The following RALGAPB variants were observed in gnomAD, a reference collection of about 807,000 sequenced individuals.
RALGAPB encodes the protein Ral GTPase activating protein non-catalytic subunit beta, also known as ral GTPase-activating protein subunit beta.
A neutral mutation model predicts 161.1 loss-of-function variants in RALGAPB; 25 were observed. That is an observed-to-expected ratio of 0.16 (90% CI 0.11 to 0.22). The LOEUF (loss-of-function observed/expected upper bound fraction) is 0.22. Ranked by LOEUF, RALGAPB falls within the 10% of genes least tolerant of loss-of-function variation. RALGAPB has a pLI of 1.00. For missense variants in RALGAPB, 1,391 were observed against 1,815.2 expected (o/e 0.77, Z 4.25); for synonymous variants, 629 against 626.1 (o/e 1.00, Z -0.07).
chr20:38,474,931 G>T (rs995012023), intron 1 of RALGAPB, among the ~76,000 whole-genome samples: 1 of 152,134 alleles, frequency 6.6e-6, no homozygotes, highest in African/African-American at 2.4e-5. Flanking sequence ...ATGTTTGGTA[G>T]TTCCCAGCTT....
chr20:38,516,264 G>A lies in RALGAPB; in HGVS notation c.945G>A (p.Val315=). The A allele has an allele frequency of 6.2e-7, 1 of 1,613,536 alleles. No homozygotes were observed. Among genetic ancestry groups the A allele is most frequent in the South Asian group, 1.1e-5 (1 of 90,972 alleles). The part of the protein sequence containing the change: ...TPKFQEQFLN[V]SGMPQELNQY... Reference sequence around the variant, plus strand: ...AATTTCAGGAACAGTTCTTGAATGTGAGCGGAATGCCGCAAGAATTGAATC... The same window carrying A: ...AATTTCAGGAACAGTTCTTGAATGTAAGCGGAATGCCGCAAGAATTGAATC... The change falls in exon 7 of 30, where the codon GTG becomes GTA. Residue 315 remains valine (V), a synonymous_variant. Transcript: ENST00000262879.
At chr20:38,509,963 G>A (rs1359014473) in intron 6 of RALGAPB, among the ~76,000 whole-genome samples, 2 of 152,028 alleles carry the variant, frequency 1.3e-5, no homozygotes, top group East Asian at 3.8e-4. Context: ...TCAGCTGTCA[G>A]TGATCTTAGT....
intron 9 of RALGAPB, among the ~76,000 whole-genome samples, chr20:38,518,463 A>G (rs1021533467): frequency 3.3e-5 from 5 of 152,242 alleles, no homozygotes; most frequent in Admixed American, 2.6e-4. Flanking sequence ...ATTTTAGTCT[A>G]GAGAACTTTA....
chr20:38,550,597 T>G (rs954954621), intron 20 of RALGAPB, among the ~76,000 whole-genome samples: 15 of 152,232 alleles, frequency 9.9e-5, no homozygotes, highest in African/African-American at 3.6e-4. Context: ...AAAGCATGGA[T>G]TTGGAGCTGT....
At position 38,499,731 on chromosome 20, in the gene RALGAPB, A is replaced by G; in HGVS notation, c.740+98A>G. The G allele has an allele frequency of 2.5e-6, 3 of 1,189,864 alleles. No individual in the cohort carries two copies. In the South Asian group the frequency reaches 5.7e-5, roughly 23 times the overall value. The allele number at this position is 1,189,864 out of a possible 1,614,324, so 73.7% of individuals were successfully genotyped here. Reference sequence around the variant, plus strand: ...CATTATAACAAAGGCTGGGTCTGTTATTACTGTACTTTAGATACAGAATTG... The same window carrying G: ...CATTATAACAAAGGCTGGGTCTGTTGTTACTGTACTTTAGATACAGAATTG... On this transcript the variant is annotated intron_variant, in intron 5 of 29. Transcript: ENST00000262879.
chr20:38,509,988 C>T (rs1194295131), intron 6 of RALGAPB, among the ~76,000 whole-genome samples: 1 of 152,016 alleles, frequency 6.6e-6, no homozygotes, highest in Non-Finnish European at 1.5e-5. Flanking sequence ...AAATGTCTTT[C>T]TGTGATCATT....
At chr20:38,510,888 C>T (rs1441533874) in intron 6 of RALGAPB, among the ~76,000 whole-genome samples, 1 of 114,636 alleles carries the variant, frequency 8.7e-6, no homozygotes, top group Non-Finnish European at 1.6e-5. Context: ...CCAGCCTGGG[C>T]GACAGAGCGA....
At chr20:38,553,615 T>G (rs2087459244) in intron 21 of RALGAPB, among the ~76,000 whole-genome samples, 1 of 152,096 alleles carries the variant, frequency 6.6e-6, no homozygotes, top group African/African-American at 2.4e-5. Flanking sequence ...ATCTTCATTT[T>G]CTTTGTTGCT....
At chr20:38,524,966 A>G (rs200180558) in intron 11 of RALGAPB, 21 bp downstream of exon 11, 193 of 1,583,496 alleles carry the variant, frequency 1.2e-4, no homozygotes, top group Non-Finnish European at 1.6e-4. Context: ...ATTCTCTGCT[A>G]TTATATCAAC....
In RALGAPB at chr20:38,548,706, G is replaced by A. The variant is rs2087257894; in HGVS notation, c.2920G>A (p.Val974Ile). The change falls in exon 20 of 30, where the codon GTC (valine) becomes ATC (isoleucine). Residue 974 changes from valine (V) to isoleucine (I), a missense_variant. Transcript: ENST00000262879. ...TATTCTAGATGATTTTTTCCCCTCT[G>A]TCACTGTGCTGGTCCGGGGAATGTC... ...GNEQNDFFPS[V>I]TVLVRGMSGR... 2 of 1,613,282 alleles carry A rather than the reference G, an allele frequency of 1.2e-6. No homozygotes were observed. The highest frequency in any genetic ancestry group is 2.7e-5 in the African/African-American group (2 of 74,892).
intron 7 of RALGAPB, 39 bp from the exon 8 acceptor site, chr20:38,517,467 A>T: frequency 6.6e-7 from 1 of 1,521,080 alleles, no homozygotes. Flanking sequence ...ATTTTGACCT[A>T]TGAAGAATAA....
rs35778032 is a variant in RALGAPB, at chr20:38,553,777, CAAAAAAAA to C, written c.3163-73_3163-66del. On this transcript the variant is annotated intron_variant, in intron 21 of 29. Transcript: ENST00000262879. ...GCTTGGTCAACATAGAGCCCAGTCT[CAAAAAAAA>C]AAAAAAAAAAAAAAAACACTTAAGA... is the stretch of plus-strand genomic sequence containing the variant. 2,562 of 278,764 alleles carry C rather than the reference CAAAAAAAA, an allele frequency of 9.2e-3. 9 individuals are homozygous for C. Among genetic ancestry groups the C allele is most frequent in the Non-Finnish European group, 0.014 (2,264 of 161,470 alleles). The allele number at this position is 278,764 out of a possible 1,614,324, so 17.3% of individuals were successfully genotyped here. A position where few individuals can be genotyped will look rare whatever the true frequency, so the allele number is the denominator to read the frequency against.
In RALGAPB at chr20:38,578,489, A is replaced by C. The variant is rs2088516688; in HGVS notation, c.*3522A>C. 1 of 152,614 alleles carries C rather than the reference A, an allele frequency of 6.6e-6. No individual in the cohort carries two copies. Among genetic ancestry groups the C allele is most frequent in the Admixed American group, 6.5e-5 (1 of 15,280 alleles). 9.5% of individuals were successfully genotyped at this position (152,614 alleles called of 1,614,324 possible). A position where few individuals can be genotyped will look rare whatever the true frequency, so the allele number is the denominator to read the frequency against. On this transcript the variant is annotated 3_prime_UTR_variant, in exon 30 of 30. Coordinates refer to ENST00000262879, the MANE Select transcript of RALGAPB (RefSeq NM_020336.4). ...AGCAAACCAAGTTTCCCAAGTCCTC[A>C]TCTCTTATAGTGACCAAGACATCTT...
At position 38,517,951 on chromosome 20, in the gene RALGAPB, T is replaced by C. The variant is rs767286632; in HGVS notation, c.1368T>C (p.Phe456=). 12 of 1,613,984 alleles carry C rather than the reference T, an allele frequency of 7.4e-6. No homozygotes were observed. The East Asian group carries it at 2.5e-4, about 33-fold the overall frequency. ...LFGSWLFDAA[F]VHCKLHNGIN... is the part of the protein sequence containing the mutation. The stretch of plus-strand genomic sequence containing the variant: ...GATCATGGTTATTTGATGCAGCATT[T>C]GTTCACTGTAAACTTCATAATGGGA... Residue 456 remains phenylalanine (F), a synonymous_variant, in exon 9 of 30, where the codon TTT becomes TTC. Coordinates refer to ENST00000262879, the MANE Select transcript of RALGAPB (RefSeq NM_020336.4).
intron 13 of RALGAPB, among the ~76,000 whole-genome samples, chr20:38,526,659 C>G (rs1254181296): frequency 1.3e-5 from 2 of 152,116 alleles, no homozygotes; most frequent in African/African-American, 4.8e-5. Context: ...TTTTTCACAA[C>G]ACAAAACCTG....
chr20:38,497,482 T>C lies in RALGAPB; in HGVS notation c.519T>C (p.Ile173=), dbSNP rs1350326270. The change falls in exon 4 of 30, where the codon ATT becomes ATC. Residue 173 remains isoleucine (I), a synonymous_variant. Transcript: ENST00000262879. ...TCTTACTGTTGTTTCTTCTGCAGAT[T>C]AACGACATACTTCTGGCCCCACCAA... ...WEVLLLFLLQ[I]NDILLAPPTV... 6.2e-7 allele frequency: 1 copy of C among 1,614,124 alleles called. No individual in the cohort carries two copies.
At chr20:38,522,973 A>AT (rs769804671) in intron 10 of RALGAPB, among the ~76,000 whole-genome samples, 4 of 152,020 alleles carry the variant, frequency 2.6e-5, no homozygotes, top group African/African-American at 2.4e-5. Flanking sequence ...ATTTTCTCTT[A>AT]TTGTAGTGTG....
chr20:38,521,812 T>C, intron 10 of RALGAPB, 114 bp downstream of exon 10: 1 of 1,065,408 alleles, frequency 9.4e-7, no homozygotes, highest in Non-Finnish European at 1.4e-6. Flanking sequence ...CAGATGTCTG[T>C]AAGTGATCGA....
intron 28 of RALGAPB, among the ~76,000 whole-genome samples, chr20:38,573,086 T>C (rs181472302): frequency 2.0e-5 from 3 of 152,000 alleles, no homozygotes; most frequent in Admixed American, 2.0e-4. Context: ...TCTTTTTTTT[T>C]TTTTAATTTA....
Sources: allele counts gnomAD v4.1 joint callset (sites outside exome capture counted in the v4.1 genomes callset), GRCh38; gene constraint gnomAD v4.1.1; transcripts MANE v1.5; gene names NCBI Gene and HGNC (gene_info 2026-07-23, HGNC 2026-07-21).